DKK2: variants seen among roughly 807,000 people sequenced by gnomAD.
The protein encoded by DKK2 is dickkopf Wnt signaling pathway inhibitor 2, also known as dickkopf-related protein 2.
Under a neutral mutation model 28.1 loss-of-function variants are expected in DKK2, and 11 were observed. The ratio of observed to expected loss-of-function variants is 0.39; its 90% CI spans 0.25 to 0.65. DKK2 has a LOEUF of 0.65. Ranked by LOEUF, DKK2 falls within the 30% of genes least tolerant of loss-of-function variation. The probability of loss-of-function intolerance (pLI) is 0.47; values close to 1 mark genes in which losing one functional copy is unlikely to be tolerated. For synonymous variants in DKK2, 135 were observed against 126.5 expected (o/e 1.07, Z -0.45); for missense variants, 326 against 335.5 (o/e 0.97, Z 0.22).
intron 1 of DKK2, among the ~76,000 whole-genome samples, chr4:106,979,395 A>T (rs1305299750): frequency 1.3e-5 from 2 of 151,806 alleles, no homozygotes; most frequent in African/African-American, 4.8e-5. Context: ...TTCTTTCTTC[A>T]CATTATTTCC....
chr4:106,992,060 G>C (rs1332827637), intron 1 of DKK2, among the ~76,000 whole-genome samples: 1 of 152,154 alleles, frequency 6.6e-6, no homozygotes, highest in Non-Finnish European at 1.5e-5. Flanking sequence ...TCAGAGTTCT[G>C]AGATAAGCAG....
In DKK2 at chr4:106,950,181, ATTTC is replaced by A. The variant is rs1022262568; in HGVS notation, c.223-24236_223-24233del. 1.3e-4 allele frequency among the ~76,000 whole-genome samples: 20 copies of A among 152,184 alleles called. 1 individual carries two copies. The highest frequency in any genetic ancestry group is 1.0e-4 in the Non-Finnish European group (7 of 68,016). On this transcript the variant is annotated intron_variant, in intron 1 of 3. Transcript: ENST00000285311. ...CAAGAAATATTCTAAATGCTACTTT[ATTTC>A]TTTTTAACAACAGTCTTTCCCATCC...
At chr4:107,030,178 A>G (rs72666042) in intron 1 of DKK2, among the ~76,000 whole-genome samples, 71 of 152,258 alleles carry the variant, frequency 4.7e-4, no homozygotes, top group Non-Finnish European at 6.8e-4. Context: ...CATTACAAAG[A>G]AAAGAACCTA....
At chr4:106,974,969 TG>T (rs1412381309) in intron 1 of DKK2, among the ~76,000 whole-genome samples, 1 of 152,108 alleles carries the variant, frequency 6.6e-6, no homozygotes, top group Non-Finnish European at 1.5e-5. Context: ...TGAATTTTAT[TG>T]AAGGCCTTTC....
chr4:106,974,983 G>T (rs1482235284), intron 1 of DKK2, among the ~76,000 whole-genome samples: 1 of 152,134 alleles, frequency 6.6e-6, no homozygotes, highest in Admixed American at 6.5e-5. Context: ...GGCCTTTCCT[G>T]CATTTATTGA....
rs1723325965 is a variant in DKK2, at chr4:106,999,468, TC to T, written c.222+35901del. 2.0e-5 allele frequency among the ~76,000 whole-genome samples: 3 copies of T among 152,322 alleles called. No homozygotes were observed. In the South Asian group the frequency reaches 6.2e-4, roughly 32 times the overall value. ...TTCAAGTGATTCTCCTGCCTCAGCC[TC>T]CTACGGAGCTGGGACTACAGGTGCC... On this transcript the variant is annotated intron_variant, in intron 1 of 3. Transcript: ENST00000285311.
intron 1 of DKK2, among the ~76,000 whole-genome samples, chr4:106,954,183 C>CCACTGTGTCA (rs1365928756): frequency 6.6e-6 from 1 of 152,146 alleles, no homozygotes; most frequent in Non-Finnish European, 1.5e-5. Context: ...CCAGATGTAG[C>CCACTGTGTCA]CAGTGTCACC....
At chr4:106,943,029 T>C (rs560152131) in intron 1 of DKK2, among the ~76,000 whole-genome samples, 6 of 152,238 alleles carry the variant, frequency 3.9e-5, no homozygotes, top group Non-Finnish European at 7.4e-5. Context: ...TCAGGACTCA[T>C]TGCATTTGCA....
intron 1 of DKK2, among the ~76,000 whole-genome samples, chr4:107,029,812 T>A (rs1578384603): frequency 6.6e-6 from 1 of 152,194 alleles, no homozygotes; most frequent in East Asian, 1.9e-4. Context: ...GTTCTTTTTT[T>A]GCTCTAGATT....
At chr4:107,027,631 G>A (rs1723805174) in intron 1 of DKK2, among the ~76,000 whole-genome samples, 1 of 152,044 alleles carries the variant, frequency 6.6e-6, no homozygotes. Flanking sequence ...TCTGTGCAGG[G>A]GCTATCTCAC....
chr4:107,017,865 C>T (rs1723632654), intron 1 of DKK2, among the ~76,000 whole-genome samples: 1 of 151,872 alleles, frequency 6.6e-6, no homozygotes, highest in Admixed American at 6.6e-5. Context: ...AGACTACTTA[C>T]CTTTGGAATG....
chr4:106,936,412 G>C (rs1161848909), intron 1 of DKK2, among the ~76,000 whole-genome samples: 1 of 151,546 alleles, frequency 6.6e-6, no homozygotes, highest in African/African-American at 2.4e-5. Flanking sequence ...GGGAAGTTTA[G>C]AGAAAAAAGA....
chr4:106,969,979 A>T (rs528312716), intron 1 of DKK2, among the ~76,000 whole-genome samples: 2 of 152,238 alleles, frequency 1.3e-5, no homozygotes, highest in South Asian at 4.1e-4. Context: ...ATTATGAGTT[A>T]GATAAAACTT....
At chr4:106,942,034 A>C (rs1470923392) in intron 1 of DKK2, among the ~76,000 whole-genome samples, 1 of 152,154 alleles carries the variant, frequency 6.6e-6, no homozygotes, top group African/African-American at 2.4e-5. Context: ...ATTTATGTCT[A>C]GTGAACAACA....
intron 1 of DKK2, among the ~76,000 whole-genome samples, chr4:106,936,956 C>G (rs1724599104): frequency 1.3e-5 from 2 of 151,812 alleles, no homozygotes; most frequent in Admixed American, 1.3e-4. Context: ...TAAAAGAGCT[C>G]CTGAAGGAAG....
chr4:106,927,066 G>T (rs1391736237), intron 1 of DKK2, among the ~76,000 whole-genome samples: 3 of 151,818 alleles, frequency 2.0e-5, no homozygotes, highest in Non-Finnish European at 4.4e-5. Context: ...TTTTTTAATT[G>T]AAAATACAAA....
intron 1 of DKK2, among the ~76,000 whole-genome samples, chr4:106,959,156 C>G (rs530949941): frequency 2.0e-5 from 3 of 152,108 alleles, no homozygotes; most frequent in South Asian, 4.2e-4. Context: ...TTTCTGAAAT[C>G]ATAAGATGTC....
intron 1 of DKK2, among the ~76,000 whole-genome samples, chr4:106,963,221 C>T (rs981909893): frequency 1.2e-4 from 18 of 151,590 alleles, no homozygotes; most frequent in African/African-American, 3.9e-4. Flanking sequence ...GGCGTGGTGG[C>T]AGGCACCTGT....
At chr4:106,929,268 A>G (rs1044953754) in intron 1 of DKK2, among the ~76,000 whole-genome samples, 2 of 152,148 alleles carry the variant, frequency 1.3e-5, no homozygotes, top group Non-Finnish European at 1.5e-5. Flanking sequence ...GTGCATTCTC[A>G]TGGCTCTTCA....
Sources: allele counts gnomAD v4.1 joint callset (sites outside exome capture counted in the v4.1 genomes callset), GRCh38; gene constraint gnomAD v4.1.1; transcripts MANE v1.5; gene names NCBI Gene and HGNC (gene_info 2026-07-23, HGNC 2026-07-21).